The following FAM83G variants were observed in gnomAD, a reference collection of about 807,000 sequenced individuals.
FAM83G encodes the protein protein FAM83G.
In FAM83G, 38 loss-of-function variants were observed where a neutral mutation model predicts 61.5. The ratio of observed to expected loss-of-function variants is 0.62; its 90% CI spans 0.48 to 0.81. The LOEUF is 0.81. Among genes scored for constraint, FAM83G ranks in the 30% least tolerant of loss-of-function variants. The probability of loss-of-function intolerance (pLI) is 0.00; values close to 1 mark genes in which losing one functional copy is unlikely to be tolerated. For synonymous variants in FAM83G, 470 were observed against 476.1 expected, an observed-to-expected ratio of 0.99 and a Z score of 0.17; for missense variants, 989 against 1,133.6, an observed-to-expected ratio of 0.87 and a Z score of 1.83.
chr17:18,982,034 T>C (rs562721028), intron 3 of FAM83G, among the ~76,000 whole-genome samples: 2 of 152,334 alleles, frequency 1.3e-5, no homozygotes, highest in Admixed American at 1.3e-4. Flanking sequence ...TCAGGACCCT[T>C]CTGGACAGTG....
In FAM83G at chr17:18,978,858, A is replaced by G. The variant is rs754612470; in HGVS notation, c.816-8T>C. 1.4e-5 allele frequency: 22 copies of G among 1,610,454 alleles called. No homozygotes were observed. Among genetic ancestry groups the G allele is most frequent in the Non-Finnish European group, 1.9e-5 (22 of 1,178,104 alleles). ...GCGGCCGACCACGTGAAGCTGCAAC[A>G]GAGGGAGGGGGCGCTGGTCAGGCAC... On this transcript the variant is annotated splice_region_variant and splice_polypyrimidine_tract_variant and intron_variant, in intron 4 of 5. Coordinates refer to ENST00000388995, the MANE Select transcript of FAM83G (RefSeq NM_001039999.3).
intron 3 of FAM83G, among the ~76,000 whole-genome samples, chr17:18,985,280 T>C (rs879281130): frequency 5.9e-5 from 9 of 152,192 alleles, no homozygotes; most frequent in Admixed American, 5.9e-4. Context: ...CCCCATTTTG[T>C]AGACAAGACA....
chr17:18,977,510 G>T, intron 5 of FAM83G, 74 bp downstream of exon 5: 4 of 1,422,196 alleles, frequency 2.8e-6, no homozygotes, highest in African/African-American at 1.4e-5. Context: ...TAGCCCAGAA[G>T]ACAACAGCTC....
chr17:18,979,367 A>G (rs565760190), intron 4 of FAM83G, 182 bp downstream of exon 4: 5 of 757,134 alleles, frequency 6.6e-6, no homozygotes, highest in East Asian at 5.6e-5. Context: ...GCGTCCTCAG[A>G]CAAAGCCCTT....
rs898827753 is a variant in FAM83G at position 18,970,996 on chromosome 17, C to T, written c.*363G>A. The T allele has an allele frequency of 4.3e-6, 7 of 1,613,412 alleles. No individual in the cohort carries two copies. Among genetic ancestry groups the T allele is most frequent in the East Asian group, 2.2e-5 (1 of 44,868 alleles). On this transcript the variant is annotated 3_prime_UTR_variant, in exon 6 of 6. Coordinates refer to ENST00000388995, the MANE Select transcript of FAM83G (RefSeq NM_001039999.3). ...CGCAACCACCAAACTGTCCCTGTTC[C>T]ACCCTGACCCCTCCAGCTTTTGACC...
Position 18,978,405 on chromosome 17 carries a change from G to T in FAM83G, c.1261C>A (p.Pro421Thr). Residue 421 changes from proline to threonine, a missense_variant, in exon 5 of 6, where the codon CCT (proline) becomes ACT (threonine). Transcript: ENST00000388995. ...ATGTAGCCCAGGATGTCGCTGCCAG[G>T]CTCCGGGTCTGGCTCCACCCACGTG... ...LPTWVEPDPE[P>T]GSDILGYINI... 2 of 1,591,098 alleles carry T rather than the reference G, an allele frequency of 1.3e-6. No individual in the cohort carries two copies. The highest frequency in any genetic ancestry group is 2.3e-5 in the South Asian group (2 of 88,770).
chr17:19,003,915 G>A lies in FAM83G; in HGVS notation c.127C>T (p.Arg43Trp). 1 of 1,612,960 alleles carries A rather than the reference G, an allele frequency of 6.2e-7. No individual in the cohort carries two copies. Among genetic ancestry groups the A allele is most frequent in the Non-Finnish European group, 8.5e-7 (1 of 1,179,930 alleles). ...TTGAGCACCTCGTAGAAGGCGTCCC[G>A]GCCGCGGGCCACCAGGGCCTCCAGC... ...LALEALVARG[R>W]DAFYEVLKRE... is the part of the protein sequence containing the mutation. Residue 43 changes from arginine to tryptophan, a missense_variant, in exon 2 of 6, where the codon CGG becomes TGG. By Grantham distance (101) the Arg-to-Trp change is moderately radical. Coordinates refer to ENST00000388995, the MANE Select transcript of FAM83G (RefSeq NM_001039999.3). The surrounding 1 kb of genome is among the most constrained non-coding windows in gnomAD (Gnocchi z 4.5).
intron 5 of FAM83G, among the ~76,000 whole-genome samples, chr17:18,973,502 C>T (rs534678752): frequency 1.3e-5 from 2 of 152,284 alleles, no homozygotes; most frequent in Admixed American, 1.3e-4. Context: ...CTGGTGGATG[C>T]GGGGCCTCGG....
chr17:18,981,149 G>A (rs1007203209), intron 3 of FAM83G, among the ~76,000 whole-genome samples: 2 of 152,290 alleles, frequency 1.3e-5, no homozygotes, highest in Admixed American at 6.5e-5. Context: ...GGGGGTAAAC[G>A]AAAACAAGCT....
chr17:18,987,454 T>C (rs2043299662), intron 3 of FAM83G, among the ~76,000 whole-genome samples: 3 of 152,248 alleles, frequency 2.0e-5, no homozygotes, highest in Non-Finnish European at 4.4e-5. Context: ...GGAAATGCTC[T>C]GCACGCAGCA....
At chr17:19,001,463 C>G (rs1207093218) in intron 2 of FAM83G, among the ~76,000 whole-genome samples, 1 of 152,204 alleles carries the variant, frequency 6.6e-6, no homozygotes, top group African/African-American at 2.4e-5. Flanking sequence ...GCTGGAAAAG[C>G]AGAAAGCAGG....
rs1447409636 is a variant in FAM83G, at chr17:18,977,570, GGA to G, written c.2082+12_2082+13del. 6.2e-7 allele frequency: 1 copy of G among 1,603,552 alleles called. No homozygotes were observed. Among genetic ancestry groups the G allele is most frequent in the Non-Finnish European group, 8.5e-7 (1 of 1,177,944 alleles). On this transcript the variant is annotated intron_variant, in intron 5 of 5. Transcript: ENST00000388995. ...GGGACTCGTGACCCCTGGTGTGCAG[GGA>G]CCCTGACCCACCTGTGCCTCCTTGT...
chr17:18,977,043 G>A (rs770265271), intron 5 of FAM83G: 1 of 1,598,966 alleles, frequency 6.3e-7, no homozygotes, highest in Non-Finnish European at 8.5e-7. Context: ...AGGGTTCTGG[G>A]ACCTTGTCCT....
At position 18,978,677 on chromosome 17, in the gene FAM83G, G is replaced by A; in HGVS notation, c.989C>T (p.Ser330Phe). 1 of 1,613,006 alleles carries A rather than the reference G, an allele frequency of 6.2e-7. No individual in the cohort carries two copies. The highest frequency in any genetic ancestry group is 8.5e-7 in the Non-Finnish European group (1 of 1,180,006). The part of the protein sequence containing the change: ...EPEPEPIVLP[S>F]VVPLVPAGTV... Reference sequence around the variant, plus strand: ...GCCCGCGGGCACCAGGGGGACCACAGAGGGCAGCACAATAGGCTCCGGCTC... The same window carrying A: ...GCCCGCGGGCACCAGGGGGACCACAAAGGGCAGCACAATAGGCTCCGGCTC... Residue 330 changes from serine (S) to phenylalanine (F), a missense_variant, in exon 5 of 6, where the codon TCT becomes TTT. Transcript: ENST00000388995.
chr17:18,982,349 C>T (rs1196712634), intron 3 of FAM83G, among the ~76,000 whole-genome samples: 7 of 152,200 alleles, frequency 4.6e-5, no homozygotes, highest in African/African-American at 1.4e-4. Flanking sequence ...CCCCACCCCA[C>T]GGGGCCTGGC....
In FAM83G at chr17:19,003,595, G is replaced by A; in HGVS notation, c.447C>T (p.Val149=). The change falls in exon 2 of 6, where the codon GTC becomes GTT. Residue 149 remains valine (V), a synonymous_variant. Transcript: ENST00000388995. The surrounding 1 kb of genome is among the most constrained non-coding windows in gnomAD (Gnocchi z 4.5). ...GCCCGTCTATGGGGGGCTGCATGTA[G>A]ACGCTAGCCCGGGTCACGCCGCGGT... The part of the protein sequence containing the change: ...IAYRGVTRAS[V]YMQPPIDGQA... The A allele has an allele frequency of 3.7e-6, 6 of 1,607,212 alleles. No individual in the cohort carries two copies. Among genetic ancestry groups the A allele is most frequent in the Non-Finnish European group, 5.1e-6 (6 of 1,176,710 alleles).
At chr17:18,995,021 C>T (rs957418469) in intron 2 of FAM83G, among the ~76,000 whole-genome samples, 2 of 152,088 alleles carry the variant, frequency 1.3e-5, no homozygotes, top group African/African-American at 4.8e-5. Context: ...TCCAAGTAAC[C>T]TAACTGCATC....
chr17:18,981,110 T>A (rs1342036841), intron 3 of FAM83G, among the ~76,000 whole-genome samples: 5 of 152,102 alleles, frequency 3.3e-5, no homozygotes, highest in Non-Finnish European at 7.4e-5. Context: ...GTGATGAGGA[T>A]CCCACCTGGG....
intron 2 of FAM83G, among the ~76,000 whole-genome samples, chr17:18,998,709 AG>A (rs889877651): frequency 6.6e-6 from 1 of 152,252 alleles, no homozygotes; most frequent in African/African-American, 2.4e-5. Context: ...TGGAGCGCAC[AG>A]GAGTTAACAC....
Sources: allele counts gnomAD v4.1 joint callset (sites outside exome capture counted in the v4.1 genomes callset), GRCh38; gene constraint gnomAD v4.1.1; non-coding constraint Gnocchi (gnomAD v3.1); transcripts MANE v1.5; gene names NCBI Gene and HGNC (gene_info 2026-07-23, HGNC 2026-07-21).